NT5DC1: variants seen among roughly 807,000 people sequenced by gnomAD.
The protein encoded by NT5DC1 is 5'-nucleotidase domain containing 1.
In NT5DC1, 42 loss-of-function variants were observed where a neutral mutation model predicts 59.4. That is an observed-to-expected ratio of 0.71 (90% CI 0.55 to 0.92). The LOEUF is 0.92. Among genes scored for constraint, NT5DC1 ranks in the 40% least tolerant of loss-of-function variants. NT5DC1 has a pLI of 0.00. For missense variants in NT5DC1, 501 were observed against 537.1 expected (o/e 0.93, Z 0.66); for synonymous variants, 172 against 188.1 (o/e 0.91, Z 0.70).
At chr6:116,162,311 A>G (rs766154778) in intron 6 of NT5DC1, among the ~76,000 whole-genome samples, 6 of 152,124 alleles carry the variant, frequency 3.9e-5, no homozygotes, top group South Asian at 4.1e-4. Flanking sequence ...TTCCATTACT[A>G]TGTTGAATAG....
intron 6 of NT5DC1, among the ~76,000 whole-genome samples, chr6:116,176,981 T>G (rs943095234): frequency 6.6e-6 from 1 of 152,184 alleles, no homozygotes; most frequent in Non-Finnish European, 1.5e-5. Context: ...AATACAGTTC[T>G]TTATCTTACT....
chr6:116,242,825 AC>A (rs1771763363), intron 11 of NT5DC1, among the ~76,000 whole-genome samples: 3 of 152,106 alleles, frequency 2.0e-5, no homozygotes. Flanking sequence ...CAGTTCTCTG[AC>A]CCTTCCTTTA....
At chr6:116,109,475 A>G (rs771889300) in intron 3 of NT5DC1, among the ~76,000 whole-genome samples, 2 of 152,256 alleles carry the variant, frequency 1.3e-5, no homozygotes, top group Non-Finnish European at 2.9e-5. Context: ...AGTTAAAAGA[A>G]TGAAAAGCTT....
chr6:116,229,770 T>C (rs1447244735), intron 8 of NT5DC1, among the ~76,000 whole-genome samples: 1 of 152,144 alleles, frequency 6.6e-6, no homozygotes, highest in Non-Finnish European at 1.5e-5. Context: ...GGGAGAATCA[T>C]GAGCCAACTC....
intron 8 of NT5DC1, among the ~76,000 whole-genome samples, chr6:116,230,042 A>C (rs1217485005): frequency 6.6e-6 from 1 of 152,184 alleles, no homozygotes; most frequent in Non-Finnish European, 1.5e-5. Context: ...TTCTCCAGCT[A>C]ATAACCTCCG....
At position 116,101,070 on chromosome 6, in the gene NT5DC1, G is replaced by A. The variant is rs555731599; in HGVS notation, c.93+47G>A. 4 of 1,392,904 alleles carry A rather than the reference G, an allele frequency of 2.9e-6. No homozygotes were observed. In the African/African-American group the frequency reaches 4.4e-5, roughly 15 times the overall value. The allele number at this position is 1,392,904 out of a possible 1,614,324, so 86.3% of individuals were successfully genotyped here. A position where few individuals can be genotyped will look rare whatever the true frequency, so the allele number is the denominator to read the frequency against. ...GCGCACTGCGCGCAACCTCCATGGCGGCTGGGGCTTGAGTTTCCTCCAGGT... is the reference window on the plus strand; with the variant it reads ...GCGCACTGCGCGCAACCTCCATGGCAGCTGGGGCTTGAGTTTCCTCCAGGT... On this transcript the variant is annotated intron_variant, in intron 1 of 11. Coordinates refer to ENST00000319550, the MANE Select transcript of NT5DC1 (RefSeq NM_152729.3).
chr6:116,160,735 G>C (rs1780307056), intron 6 of NT5DC1, among the ~76,000 whole-genome samples: 2 of 152,110 alleles, frequency 1.3e-5, no homozygotes, highest in African/African-American at 4.8e-5. Context: ...TTTTCTTCTA[G>C]TATAATATTT....
intron 1 of NT5DC1, among the ~76,000 whole-genome samples, chr6:116,102,144 A>G (rs1778671572): frequency 6.6e-6 from 1 of 152,220 alleles, no homozygotes; most frequent in Non-Finnish European, 1.5e-5. Flanking sequence ...ACTATTTGGA[A>G]ACCTCACAGT....
Position 116,221,210 on chromosome 6 carries a change from T to C in NT5DC1, c.686T>C (p.Leu229Pro). 1.3e-6 allele frequency: 2 copies of C among 1,593,446 alleles called. No homozygotes were observed. Among genetic ancestry groups the C allele is most frequent in the Non-Finnish European group, 1.7e-6 (2 of 1,163,024 alleles). Reference sequence around the variant, plus strand: ...TCTCACAGTGATTACTGTAGACTTCTCTGCGAATATATTCTTGGGTGAGTG... The same window carrying C: ...TCTCACAGTGATTACTGTAGACTTCCCTGCGAATATATTCTTGGGTGAGTG... Reference protein sequence around the residue: ...TSSHSDYCRLLCEYILGNDFT... With the variant: ...TSSHSDYCRLPCEYILGNDFT... Residue 229 changes from leucine to proline, a missense_variant, in exon 7 of 12, where the codon CTC (leucine) becomes CCC (proline). By Grantham distance (98) the Leu-to-Pro change is moderately conservative (BLOSUM62 -3). Transcript: ENST00000319550.
chr6:116,249,252 T>A lies in NT5DC1; in HGVS notation c.*5228T>A, dbSNP rs1771902447. On this transcript the variant is annotated 3_prime_UTR_variant, in exon 12 of 12. Transcript: ENST00000319550. ...TTGCAAGTAATAATTGCACCAAGAGTCAGCATCTATTTTAACTGTATGTTT... is the reference window on the plus strand; with the variant it reads ...TTGCAAGTAATAATTGCACCAAGAGACAGCATCTATTTTAACTGTATGTTT... 1 of 152,038 alleles carries A rather than the reference T, an allele frequency of 6.6e-6. No homozygotes were observed. Among genetic ancestry groups the A allele is most frequent in the Admixed American group, 6.5e-5 (1 of 15,268 alleles). 9.4% of individuals were successfully genotyped at this position (152,038 alleles called of 1,614,324 possible).
chr6:116,231,579 T>C (rs1299350366), intron 8 of NT5DC1, among the ~76,000 whole-genome samples: 4 of 152,214 alleles, frequency 2.6e-5, no homozygotes, highest in Non-Finnish European at 5.9e-5. Context: ...TAAAACAGTC[T>C]GTGAAATATA....
chr6:116,140,241 C>A (rs12203393), intron 6 of NT5DC1, among the ~76,000 whole-genome samples: 28,998 of 152,090 alleles, frequency 0.19, 3,396 homozygotes, highest in Middle Eastern at 0.34. Flanking sequence ...AAGCCATCAA[C>A]TTATGCTTAT....
At chr6:116,237,604 T>C (rs1782142069) in intron 9 of NT5DC1, 1 of 430,776 alleles carries the variant, frequency 2.3e-6, no homozygotes, top group African/African-American at 2.0e-5. Context: ...GATTCTCATA[T>C]CCCTTAACTC....
chr6:116,214,828 A>G (rs1467426801), intron 6 of NT5DC1, among the ~76,000 whole-genome samples: 1 of 152,066 alleles, frequency 6.6e-6, no homozygotes, highest in Admixed American at 6.6e-5. Flanking sequence ...AATAAAAAAA[A>G]AAAGAGTTAT....
intron 6 of NT5DC1, among the ~76,000 whole-genome samples, chr6:116,128,850 A>AG (rs1779389684): frequency 6.6e-6 from 1 of 152,174 alleles, no homozygotes; most frequent in Non-Finnish European, 1.5e-5. Flanking sequence ...GTCTGATATC[A>AG]GTGTTCTATT....
At chr6:116,229,960 C>T (rs1781985928) in intron 8 of NT5DC1, among the ~76,000 whole-genome samples, 1 of 152,176 alleles carries the variant, frequency 6.6e-6, no homozygotes, top group African/African-American at 2.4e-5. Flanking sequence ...ATTCTCCTTC[C>T]GCCTAGAAAC....
At chr6:116,228,736 A>G (rs762834602) in intron 8 of NT5DC1, among the ~76,000 whole-genome samples, 2 of 152,206 alleles carry the variant, frequency 1.3e-5, no homozygotes, top group African/African-American at 4.8e-5. Context: ...TAAAATCCCT[A>G]CTTCATTACA....
chr6:116,237,121 T>G, intron 9 of NT5DC1, 37 bp downstream of exon 9: 1 of 1,157,454 alleles, frequency 8.6e-7, no homozygotes, highest in Non-Finnish European at 1.3e-6. Context: ...CAGTGCCCAC[T>G]TGCAGACATA....
chr6:116,142,579 G>A (rs939280582), intron 6 of NT5DC1, among the ~76,000 whole-genome samples: 1 of 151,422 alleles, frequency 6.6e-6, no homozygotes, highest in Admixed American at 6.6e-5. Context: ...TTTACAGTGT[G>A]TGGTAAAAAC....
Sources: gnomAD v4.1 joint callset for allele counts (sites outside exome capture counted in the v4.1 genomes callset) on GRCh38, gnomAD v4.1.1 for gene constraint, MANE v1.5 for transcripts, NCBI Gene and HGNC (gene_info 2026-07-23, HGNC 2026-07-21) for gene names.